Variants in NUP214 observed in about 807,000 individuals in gnomAD.
The protein encoded by NUP214 is nuclear pore complex protein Nup214.
Under a neutral mutation model 196.2 loss-of-function variants are expected in NUP214, and 79 were observed. The observed-to-expected ratio is 0.40, with a 90% CI of 0.34 to 0.49. The LOEUF (loss-of-function observed/expected upper bound fraction) is 0.49. Among genes scored for constraint, NUP214 ranks in the 20% least tolerant of loss-of-function variants. NUP214 has a pLI of 0.58. For synonymous variants in NUP214, 1,020 were observed against 990.5 expected (o/e 1.03, Z -0.56); for missense variants, 2,468 against 2,539.0 (o/e 0.97, Z 0.60).
intron 30 of NUP214, among the ~76,000 whole-genome samples, chr9:131,206,338 G>C (rs530366572): frequency 6.6e-6 from 1 of 150,968 alleles, no homozygotes; most frequent in African/African-American, 2.4e-5. Flanking sequence ...GTAGAGACGG[G>C]GTTTCACATG....
intron 24 of NUP214, among the ~76,000 whole-genome samples, chr9:131,183,207 C>G (rs1326577227): frequency 1.3e-5 from 2 of 152,188 alleles, no homozygotes; most frequent in Admixed American, 6.5e-5. Context: ...GCCTCAGCCT[C>G]CCTAGTAGCT....
rs1316359313 is a variant in NUP214 at position 131,197,687 on chromosome 9, CACCACCAGCA to C, written c.4194_4203del (p.Ala1402LeufsTer28). 1 of 1,614,220 alleles carries C rather than the reference CACCACCAGCA, an allele frequency of 6.2e-7. No individual in the cohort carries two copies. The highest frequency in any genetic ancestry group is 8.5e-7 in the Non-Finnish European group (1 of 1,180,038). On this transcript the variant is annotated frameshift_variant, in exon 29 of 36. Coordinates refer to ENST00000359428, the MANE Select transcript of NUP214 (RefSeq NM_005085.4). LOFTEE classifies it high-confidence loss of function. ...TCCTCTGCAACCACCACCTCAGTAG[CACCACCAGCA>C]GCCACCAGCACTTCCTCAACTGCCG...
At chr9:131,177,399 C>T (rs996422029) in intron 23 of NUP214, among the ~76,000 whole-genome samples, 1 of 152,084 alleles carries the variant, frequency 6.6e-6, no homozygotes, top group Admixed American at 6.5e-5. Flanking sequence ...ATCTGTAAAA[C>T]GTTAAAATCT....
At chr9:131,161,555 C>G (rs1298322889) in intron 18 of NUP214, among the ~76,000 whole-genome samples, 11 of 152,126 alleles carry the variant, frequency 7.2e-5, no homozygotes, top group Admixed American at 7.2e-4. Flanking sequence ...CCGCGCCTGG[C>G]CTGAAATGCC....
chr9:131,226,801 C>T (rs1186836978), intron 32 of NUP214, among the ~76,000 whole-genome samples: 1 of 152,192 alleles, frequency 6.6e-6, no homozygotes, highest in African/African-American at 2.4e-5. Flanking sequence ...ATGAGTGAAT[C>T]ACAAAATAAC....
chr9:131,154,348 C>T (rs1832368645), intron 17 of NUP214, among the ~76,000 whole-genome samples: 1 of 152,100 alleles, frequency 6.6e-6, no homozygotes, highest in Admixed American at 6.5e-5. Context: ...CACTGTACCC[C>T]AATGTGTAGT....
chr9:131,126,931 G>A (rs1831376185), intron 1 of NUP214: 1 of 151,988 alleles, frequency 6.6e-6, no homozygotes, highest in African/African-American at 2.4e-5. Context: ...GATATGCTGG[G>A]GTAGAAGAAA....
rs554520112 is a variant in NUP214 at position 131,177,963 on chromosome 9, T to C, written c.3320-348T>C. Among the ~76,000 whole-genome samples, 3 of 152,254 alleles carry C rather than the reference T, an allele frequency of 2.0e-5. No individual in the cohort carries two copies. The East Asian group carries it at 5.8e-4, about 29-fold the overall frequency. On this transcript the variant is annotated intron_variant, in intron 23 of 35. Transcript: ENST00000359428. ...GTGAATGAGTGGCAGAAATCCTGAGTCTAGATGCTGTTAATCCTCTAGCTC... is the reference window on the plus strand; with the variant it reads ...GTGAATGAGTGGCAGAAATCCTGAGCCTAGATGCTGTTAATCCTCTAGCTC...
intron 21 of NUP214, among the ~76,000 whole-genome samples, chr9:131,172,769 C>G (rs117269585): frequency 0.02 from 3,043 of 152,276 alleles, 43 homozygotes; most frequent in Non-Finnish European, 0.029. Context: ...TTTTTAGTGG[C>G]ATTTGTTTAT....
chr9:131,140,362 G>A (rs766383766), intron 10 of NUP214, among the ~76,000 whole-genome samples, 187 bp from the exon 11 acceptor site: 11 of 152,222 alleles, frequency 7.2e-5, no homozygotes, highest in East Asian at 1.9e-4. Context: ...ATCTGATAGC[G>A]GCAGGAACTC....
At chr9:131,203,961 A>G (rs975886041) in intron 30 of NUP214, among the ~76,000 whole-genome samples, 1 of 152,236 alleles carries the variant, frequency 6.6e-6, no homozygotes, top group African/African-American at 2.4e-5. Flanking sequence ...CTGGGACTCC[A>G]TGTTGACAGG....
chr9:131,145,289 A>G (rs1169502062), intron 12 of NUP214, among the ~76,000 whole-genome samples: 1 of 151,918 alleles, frequency 6.6e-6, no homozygotes, highest in Admixed American at 6.6e-5. Context: ...CGGGCAGCTC[A>G]CTCATTTCTT....
chr9:131,184,593 C>T (rs1436793297), intron 24 of NUP214, among the ~76,000 whole-genome samples: 1 of 152,130 alleles, frequency 6.6e-6, no homozygotes, highest in Admixed American at 6.5e-5. Context: ...ACCTCGGCCT[C>T]CCAAAGTGCT....
At chr9:131,176,666 C>T (rs932947537) in intron 23 of NUP214, among the ~76,000 whole-genome samples, 22 of 152,092 alleles carry the variant, frequency 1.4e-4, no homozygotes, top group African/African-American at 1.4e-4. Flanking sequence ...TTAACTTTTA[C>T]AGAAGGAAGC....
Position 131,146,358 on chromosome 9 carries a change from G to A in NUP214, c.1945+54G>A, listed in dbSNP as rs760330810. On this transcript the variant is annotated intron_variant, in intron 13 of 35. Transcript: ENST00000359428. The surrounding 1 kb of genome is among the most constrained non-coding windows in gnomAD (Gnocchi z 4.6). ...CTCAGCCCTGCCTTCTCAGATTAAC[G>A]GTTTTAAGTGTTAAGAGTCGTAGCT... 60 of 1,549,604 alleles carry A rather than the reference G, an allele frequency of 3.9e-5. No homozygotes were observed. The highest frequency in any genetic ancestry group is 5.7e-5 in the South Asian group (5 of 88,448).
intron 26 of NUP214, among the ~76,000 whole-genome samples, chr9:131,189,347 A>G (rs900062193): frequency 3.9e-5 from 6 of 152,224 alleles, no homozygotes; most frequent in Admixed American, 3.9e-4. Context: ...TTCAATGGCT[A>G]TGTAGACTTC....
Position 131,228,341 on chromosome 9 carries a change from C to G in NUP214, c.6074+10C>G. The stretch of plus-strand genomic sequence containing the variant: ...GCGCAGGAGGATTCGGGTAAGCCCC[C>G]TGGGGAGGGCCCTTGGGAACCCACA... On this transcript the variant is annotated intron_variant, in intron 33 of 35. Coordinates refer to ENST00000359428, the MANE Select transcript of NUP214 (RefSeq NM_005085.4). 3 of 1,572,540 alleles carry G rather than the reference C, an allele frequency of 1.9e-6. No homozygotes were observed. Among genetic ancestry groups the G allele is most frequent in the Non-Finnish European group, 2.6e-6 (3 of 1,166,448 alleles).
intron 5 of NUP214, 119 bp downstream of exon 5, chr9:131,130,955 T>A: frequency 1.4e-6 from 1 of 724,756 alleles, no homozygotes; most frequent in Non-Finnish European, 2.3e-6. Flanking sequence ...TTGTAACAAA[T>A]CCATCAGTGA....
rs778153797 is a variant in NUP214, at chr9:131,144,314, C to G, written c.1329C>G (p.Ala443=). 1 of 1,614,060 alleles carries G rather than the reference C, an allele frequency of 6.2e-7. No individual in the cohort carries two copies. Among genetic ancestry groups the G allele is most frequent in the South Asian group, 1.1e-5 (1 of 91,064 alleles). The change falls in exon 12 of 36, where the codon GCC becomes GCG. Residue 443 remains alanine (A), a synonymous_variant. Coordinates refer to ENST00000359428, the MANE Select transcript of NUP214 (RefSeq NM_005085.4). The part of the protein sequence containing the change: ...STPTTPTSSQ[A]PQKLDASAAA... Reference sequence around the variant, plus strand: ...CCACTACCCCAACCTCCTCTCAAGCCCCACAGAAACTGGATGCTTCTGCAG... The same window carrying G: ...CCACTACCCCAACCTCCTCTCAAGCGCCACAGAAACTGGATGCTTCTGCAG...
Sources: allele counts gnomAD v4.1 joint callset (sites outside exome capture counted in the v4.1 genomes callset), GRCh38; gene constraint gnomAD v4.1.1; non-coding constraint Gnocchi (gnomAD v3.1); transcripts MANE v1.5; gene names NCBI Gene and HGNC (gene_info 2026-07-23, HGNC 2026-07-21).